Variants in FBXO34 observed in about 807,000 individuals in gnomAD.
FBXO34 encodes the protein F-box protein 34.
Under a neutral mutation model 24.5 loss-of-function variants are expected in FBXO34, and 12 were observed. The observed-to-expected ratio is 0.49, with a 90% CI of 0.31 to 0.79. The LOEUF (loss-of-function observed/expected upper bound fraction) is 0.79. Ranked by LOEUF, FBXO34 falls within the 30% of genes least tolerant of loss-of-function variation. The probability of loss-of-function intolerance (pLI) is 0.04; values close to 1 mark genes in which losing one functional copy is unlikely to be tolerated. For synonymous variants in FBXO34, 320 were observed against 311.9 expected, an observed-to-expected ratio of 1.03 and a Z score of -0.27; for missense variants, 823 against 857.7, an observed-to-expected ratio of 0.96 and a Z score of 0.51.
At chr14:55,395,750 T>G in the FBXO34 span, among the ~76,000 whole-genome samples, 2 of 152,206 alleles carry the variant, frequency 1.3e-5, no homozygotes, top group African/African-American at 2.4e-5. Context: ...TTACAATGGC[T>G]CCATAATTAA....
At chr14:55,354,912 A>G (rs1237066600), downstream of FBXO34, among the ~76,000 whole-genome samples, 1 of 152,154 alleles carries the variant, frequency 6.6e-6, no homozygotes, top group Non-Finnish European at 1.5e-5. Flanking sequence ...AAGAAAGGAC[A>G]TGATAGTGTG....
At chr14:55,292,543 A>T (rs1272761603) in intron 1 of FBXO34, among the ~76,000 whole-genome samples, 1 of 151,916 alleles carries the variant, frequency 6.6e-6, no homozygotes, top group African/African-American at 2.4e-5. Context: ...TATTTTTCTC[A>T]GTAGAGATGT....
the FBXO34 span, among the ~76,000 whole-genome samples, chr14:55,378,927 C>G: frequency 6.6e-6 from 1 of 151,952 alleles, no homozygotes; most frequent in African/African-American, 2.4e-5. Context: ...AGGCTGGTCT[C>G]TAACTCCTGA....
intron 1 of FBXO34, among the ~76,000 whole-genome samples, chr14:55,273,026 C>G (rs2139614441): frequency 6.6e-6 from 1 of 152,332 alleles, no homozygotes; most frequent in South Asian, 2.1e-4. Context: ...CATATCAGTA[C>G]TTTTCATTTC....
chr14:55,397,524 A>G, the FBXO34 span: 1 of 1,022,518 alleles, frequency 9.8e-7, no homozygotes, highest in East Asian at 2.5e-5. Context: ...ATCATTCTGC[A>G]GAGTCATGTG....
At chr14:55,365,957 G>A (rs1186065369), downstream of FBXO34, among the ~76,000 whole-genome samples, 5 of 152,150 alleles carry the variant, frequency 3.3e-5, no homozygotes, top group Admixed American at 3.3e-4. Flanking sequence ...TAAAAAATAA[G>A]GGTGTTGGGT....
chr14:55,366,559 A>G (rs1474791087), downstream of FBXO34: 1 of 152,518 alleles, frequency 6.6e-6, no homozygotes, highest in South Asian at 2.1e-4. Flanking sequence ...GCTCTTCCCC[A>G]AATTGAGTCC....
chr14:55,382,088 C>A, the FBXO34 span: 4 of 1,614,150 alleles, frequency 2.5e-6, no homozygotes, highest in Non-Finnish European at 3.4e-6. Context: ...TCGTCACAGA[C>A]CCATCGTCCT....
the FBXO34 span, chr14:55,377,804 C>T: frequency 1.3e-6 from 2 of 1,545,208 alleles, no homozygotes; most frequent in East Asian, 2.2e-5. Flanking sequence ...AGAAAAGCAA[C>T]AAATATCTTC....
the FBXO34 span, among the ~76,000 whole-genome samples, chr14:55,417,453 TAAAAAA>T: frequency 2.0e-4 from 18 of 91,342 alleles, no homozygotes; most frequent in African/African-American, 8.1e-4. Context: ...ACCCTTGCCT[TAAAAAA>T]AAAAAAAAAA....
In FBXO34 at chr14:55,352,074, A is replaced by G. The variant is rs1884407728; in HGVS notation, c.1684A>G (p.Arg562Gly). ...GGTGTCGCATGACTTCCTGGAGACC[A>G]GGTTTAAAATCCAGCAGCTTTTGGA... ...KQVSHDFLET[R>G]FKIQQLLEPQ... Residue 562 changes from arginine to glycine, a missense_variant, in exon 2 of 2, where the codon AGG becomes GGG. Physicochemically the swap from Arg to Gly is moderately radical, Grantham distance 125. Transcript: ENST00000313833. 5.6e-6 allele frequency: 9 copies of G among 1,614,204 alleles called. No homozygotes were observed. Among genetic ancestry groups the G allele is most frequent in the Non-Finnish European group, 7.6e-6 (9 of 1,180,030 alleles).
the FBXO34 span, among the ~76,000 whole-genome samples, chr14:55,436,406 G>C: frequency 6.6e-6 from 1 of 152,110 alleles, no homozygotes; most frequent in Non-Finnish European, 1.5e-5. Context: ...TAATCAAACT[G>C]TCTAAAGCCA....
At position 55,351,695 on chromosome 14, in the gene FBXO34, G is replaced by A. The variant is rs1276846867; in HGVS notation, c.1305G>A (p.Met435Ile). The change falls in exon 2 of 2, where the codon ATG (methionine) becomes ATA (isoleucine). Residue 435 changes from methionine to isoleucine, a missense_variant. Transcript: ENST00000313833. ...SELPTDAVDC[M>I]SRELVSLTSR... Reference sequence around the variant, plus strand: ...TGCCCACAGATGCTGTTGATTGTATGAGCAGAGAGCTTGTGTCCCTTACTA... The same window carrying A: ...TGCCCACAGATGCTGTTGATTGTATAAGCAGAGAGCTTGTGTCCCTTACTA... 2 of 1,614,086 alleles carry A rather than the reference G, an allele frequency of 1.2e-6. No individual in the cohort carries two copies. The highest frequency in any genetic ancestry group is 1.7e-6 in the Non-Finnish European group (2 of 1,180,050).
chr14:55,395,129 C>G, the FBXO34 span: 1 of 479,698 alleles, frequency 2.1e-6, no homozygotes, highest in South Asian at 1.5e-5. Context: ...TTCTCAGCTT[C>G]GTTTCCACTT....
At chr14:55,411,895 G>GCCTTGGGAAGGGGGGCTGGGAT in the FBXO34 span, 1 of 1,373,848 alleles carries the variant, frequency 7.3e-7, no homozygotes, top group Non-Finnish European at 9.9e-7. Context: ...AGGAGGAGGG[G>GCCTTGGGAAGGGGGGCTGGGAT]CCTGGGGAAG....
chr14:55,397,175 G>A, the FBXO34 span, among the ~76,000 whole-genome samples: 1 of 152,144 alleles, frequency 6.6e-6, no homozygotes, highest in African/African-American at 2.4e-5. Context: ...CACCGGATCT[G>A]AGGCCAGTAT....
At position 55,303,128 on chromosome 14, in the gene FBXO34, CTT is replaced by C. The variant is rs3084453; in HGVS notation, c.-11+31602_-11+31603del. 7.1e-4 allele frequency among the ~76,000 whole-genome samples: 105 copies of C among 147,680 alleles called. No homozygotes were observed. In the East Asian group the frequency reaches 7.9e-3, roughly 11 times the overall value. On this transcript the variant is annotated intron_variant, in intron 1 of 1. Coordinates refer to ENST00000313833, the MANE Select transcript of FBXO34 (RefSeq NM_017943.4). Reference sequence around the variant, plus strand: ...TGTGCATTAATTTCTCTTTACAGGCCTTTTTTTTTTTTAGCATTGGCTATTCT... The same window carrying C: ...TGTGCATTAATTTCTCTTTACAGGCCTTTTTTTTTTAGCATTGGCTATTCT...
At chr14:55,394,947 T>C in the FBXO34 span, 2 of 393,098 alleles carry the variant, frequency 5.1e-6, no homozygotes, top group African/African-American at 4.2e-5. Context: ...TGATTTCACC[T>C]CCTAAAAAAA....
chr14:55,324,927 G>A (rs147576187), intron 1 of FBXO34, among the ~76,000 whole-genome samples: 1 of 152,268 alleles, frequency 6.6e-6, no homozygotes, highest in African/African-American at 2.4e-5. Flanking sequence ...AGTCTGATGA[G>A]GGCCTGCATC....
Sources: gnomAD v4.1 joint callset for allele counts (sites outside exome capture counted in the v4.1 genomes callset) on GRCh38, gnomAD v4.1.1 for gene constraint, MANE v1.5 for transcripts, NCBI Gene and HGNC (gene_info 2026-07-23, HGNC 2026-07-21) for gene names.